The following PPP1R12B variants were observed in gnomAD, a reference collection of about 807,000 sequenced individuals.
PPP1R12B encodes the protein myosin phosphatase target subunit 2.
A neutral mutation model predicts 126.1 loss-of-function variants in PPP1R12B; 76 were observed. The ratio of observed to expected loss-of-function variants is 0.60; its 90% CI spans 0.50 to 0.73. The LOEUF is 0.73. PPP1R12B is among the 30% of genes least tolerant of loss of function. The probability of loss-of-function intolerance (pLI) is 0.00; values close to 1 mark genes in which losing one functional copy is unlikely to be tolerated. For synonymous variants in PPP1R12B, 356 were observed against 434.7 expected (o/e 0.82, Z 2.25); for missense variants, 1,052 against 1,205.1 (o/e 0.87, Z 1.88).
chr1:202,460,412 A>G (rs1181108385), intron 13 of PPP1R12B, among the ~76,000 whole-genome samples: 1 of 152,210 alleles, frequency 6.6e-6, no homozygotes, highest in Non-Finnish European at 1.5e-5. Flanking sequence ...TTAATTTGGC[A>G]TCATCTTTGG....
intron 13 of PPP1R12B, among the ~76,000 whole-genome samples, chr1:202,466,227 A>T (rs938823016): frequency 1.3e-5 from 2 of 152,148 alleles, no homozygotes; most frequent in African/African-American, 4.8e-5. Flanking sequence ...TTGAAATAGA[A>T]ATTCTGCCCC....
intron 22 of PPP1R12B, among the ~76,000 whole-genome samples, chr1:202,568,073 G>C (rs1248142262): frequency 6.6e-6 from 1 of 151,952 alleles, no homozygotes; most frequent in South Asian, 2.1e-4. Context: ...GGGTGGGAAG[G>C]GTCCTTGGAA....
At chr1:202,556,893 T>C (rs1354952572) in intron 18 of PPP1R12B, among the ~76,000 whole-genome samples, 9 of 152,246 alleles carry the variant, frequency 5.9e-5, no homozygotes, top group African/African-American at 2.2e-4. Flanking sequence ...TTCCTGGACG[T>C]GAATTTTAAT....
chr1:202,489,857 AAG>A (rs1295813907), intron 14 of PPP1R12B, among the ~76,000 whole-genome samples: 1 of 152,252 alleles, frequency 6.6e-6, no homozygotes, highest in Non-Finnish European at 1.5e-5. Context: ...TATTTTAATA[AAG>A]ATGTTACAAA....
At chr1:202,574,279 G>T (rs1462053116) in intron 23 of PPP1R12B, among the ~76,000 whole-genome samples, 1 of 152,116 alleles carries the variant, frequency 6.6e-6, no homozygotes, top group African/African-American at 2.4e-5. Flanking sequence ...GGAGGCTAAG[G>T]CAGGAGGATT....
intron 6 of PPP1R12B, among the ~76,000 whole-genome samples, chr1:202,429,449 T>C (rs537239570): frequency 2.0e-5 from 3 of 152,240 alleles, no homozygotes; most frequent in Non-Finnish European, 4.4e-5. Context: ...TTATGAAACA[T>C]CTAGAATTCA....
In PPP1R12B at chr1:202,353,624, G is replaced by A. The variant is rs1215370923; in HGVS notation, c.291+4482G>A. On this transcript the variant is annotated intron_variant, in intron 1 of 23. Coordinates refer to ENST00000608999, the MANE Select transcript of PPP1R12B (RefSeq NM_002481.4). ...TGTGTGTGTGTGTGTGTGTGTGTGT[G>A]TGTGTGACAGGGTCTTGCCCTGTTA... 2.1e-5 allele frequency among the ~76,000 whole-genome samples: 3 copies of A among 145,930 alleles called. No individual in the cohort carries two copies. The East Asian group carries it at 6.4e-4, about 31-fold the overall frequency.
At chr1:202,439,443 A>C (rs1243150865) in intron 10 of PPP1R12B, 2 of 1,355,562 alleles carry the variant, frequency 1.5e-6, no homozygotes, top group Non-Finnish European at 2.1e-6. Flanking sequence ...GGGCGACCCC[A>C]GCTGGCTGCC....
chr1:202,455,704 C>A (rs1366055448), intron 13 of PPP1R12B, among the ~76,000 whole-genome samples: 1 of 152,168 alleles, frequency 6.6e-6, no homozygotes. Context: ...GTGTGGACAT[C>A]TGGTTTGATT....
In PPP1R12B at chr1:202,418,258, A is replaced by G. The variant is rs185439007; in HGVS notation, c.422+1341A>G. On this transcript the variant is annotated intron_variant, in intron 2 of 23. Transcript: ENST00000608999. Reference sequence around the variant, plus strand: ...TACTTAAAACATTTATTTAAGAAACATTTATAGAACATGTTGGCCTTTCAA... The same window carrying G: ...TACTTAAAACATTTATTTAAGAAACGTTTATAGAACATGTTGGCCTTTCAA... Among the ~76,000 whole-genome samples, 265 of 152,306 alleles carry G rather than the reference A, an allele frequency of 1.7e-3. 1 individual carries two copies. Among genetic ancestry groups the G allele is most frequent in the Non-Finnish European group, 2.7e-3 (186 of 68,018 alleles).
intron 1 of PPP1R12B, among the ~76,000 whole-genome samples, chr1:202,358,538 CG>C (rs1169341861): frequency 6.6e-6 from 1 of 152,074 alleles, no homozygotes; most frequent in Non-Finnish European, 1.5e-5. Context: ...AAAAATTAGC[CG>C]GGCGTGGTCG....
intron 1 of PPP1R12B, among the ~76,000 whole-genome samples, chr1:202,358,431 C>G (rs1657514734): frequency 6.6e-6 from 1 of 152,058 alleles, no homozygotes; most frequent in Non-Finnish European, 1.5e-5. Flanking sequence ...GCCTGTAATC[C>G]CAGCACTTTG....
intron 10 of PPP1R12B, chr1:202,438,330 AG>A: frequency 1.6e-6 from 2 of 1,230,238 alleles, no homozygotes; most frequent in Admixed American, 2.0e-5. Flanking sequence ...AGTATGGCGG[AG>A]GGGGGCACAG....
At chr1:202,444,342 A>T (rs1303516455) in intron 12 of PPP1R12B, among the ~76,000 whole-genome samples, 1 of 152,202 alleles carries the variant, frequency 6.6e-6, no homozygotes, top group Admixed American at 6.5e-5. Flanking sequence ...TTGAAATTTG[A>T]ACCCAAATAA....
chr1:202,380,826 C>A (rs558116520), intron 1 of PPP1R12B, among the ~76,000 whole-genome samples: 1 of 152,212 alleles, frequency 6.6e-6, no homozygotes, highest in South Asian at 2.1e-4. Flanking sequence ...TCTGTTCTAA[C>A]ACTTGAAGTA....
intron 18 of PPP1R12B, among the ~76,000 whole-genome samples, chr1:202,528,458 C>T (rs1683584797): frequency 6.6e-6 from 1 of 152,226 alleles, no homozygotes; most frequent in Non-Finnish European, 1.5e-5. Context: ...AAATTTGATT[C>T]TCACATTGGT....
chr1:202,448,459 A>G (rs1408809515), intron 12 of PPP1R12B: 1 of 152,744 alleles, frequency 6.5e-6, no homozygotes, highest in Non-Finnish European at 1.5e-5. Context: ...GTGAGGGAGA[A>G]CTAAGCATAC....
intron 1 of PPP1R12B, among the ~76,000 whole-genome samples, chr1:202,390,445 C>G (rs527863968): frequency 4.6e-5 from 7 of 152,208 alleles, no homozygotes; most frequent in Admixed American, 1.3e-4. Context: ...GATATGTCAC[C>G]ATAGCATGAG....
chr1:202,575,933 C>T (rs1397463147), intron 23 of PPP1R12B: 1 of 152,278 alleles, frequency 6.6e-6, no homozygotes, highest in African/African-American at 2.4e-5. Context: ...CAAAAACACT[C>T]TGCATCCCAT....
Sources: gnomAD v4.1 joint callset for allele counts (sites outside exome capture counted in the v4.1 genomes callset) on GRCh38, gnomAD v4.1.1 for gene constraint, MANE v1.5 for transcripts, NCBI Gene and HGNC (gene_info 2026-07-23, HGNC 2026-07-21) for gene names.